The following CDH23 variants were observed in gnomAD, a reference collection of about 807,000 sequenced individuals.
The protein encoded by CDH23 is cadherin-23.
Under a neutral mutation model 317.1 loss-of-function variants are expected in CDH23, and 189 were observed. The observed-to-expected ratio is 0.60, with a 90% confidence interval of 0.53 to 0.67. CDH23 has a LOEUF of 0.67. CDH23 is among the 30% of genes least tolerant of loss of function. The pLI, the probability that CDH23 is intolerant of heterozygous loss-of-function variation, is 0.00. For missense variants in CDH23, 4,401 were observed against 4,592.4 expected (o/e 0.96, Z 1.20); for synonymous variants, 1,839 against 1,876.8 (o/e 0.98, Z 0.52).
At chr10:71,588,364 C>T (rs1342926151) in intron 9 of CDH23, among the ~76,000 whole-genome samples, 1 of 152,094 alleles carries the variant, frequency 6.6e-6, no homozygotes, top group Non-Finnish European at 1.5e-5. Context: ...GACCTTGAGC[C>T]GGTTACATCC....
At chr10:71,727,662 T>C (rs1393089370) in intron 30 of CDH23, among the ~76,000 whole-genome samples, 1 of 151,090 alleles carries the variant, frequency 6.6e-6, no homozygotes, top group East Asian at 1.9e-4. Flanking sequence ...TCACGACACA[T>C]ACACACACAC....
At chr10:71,495,388 C>T (rs181043427) in intron 3 of CDH23, among the ~76,000 whole-genome samples, 4 of 152,192 alleles carry the variant, frequency 2.6e-5, no homozygotes, top group Admixed American at 6.5e-5. Context: ...TTTATGATTG[C>T]GCCTTTCTTC....
At chr10:71,427,423 T>C (rs937805747) in intron 1 of CDH23, among the ~76,000 whole-genome samples, 1 of 152,308 alleles carries the variant, frequency 6.6e-6, no homozygotes, top group Non-Finnish European at 1.5e-5. Flanking sequence ...CCTTGGTGAC[T>C]GGCTGGTGGC....
intron 69 of CDH23, 136 bp from the exon 70 acceptor site, chr10:71,814,816 T>G: frequency 8.7e-5 from 89 of 1,023,210 alleles, no homozygotes; most frequent in Non-Finnish European, 1.1e-4. Context: ...GCAGGCAGTT[T>G]GAGAAACAGA....
chr10:71,556,536 G>T (rs1037532534), intron 6 of CDH23, among the ~76,000 whole-genome samples: 16 of 151,692 alleles, frequency 1.1e-4, no homozygotes, highest in Admixed American at 5.9e-4. Context: ...GGGAGGCGGA[G>T]GTTCATGCCA....
chr10:71,679,845 CT>C (rs1286170412), intron 17 of CDH23, among the ~76,000 whole-genome samples: 1 of 152,208 alleles, frequency 6.6e-6, no homozygotes, highest in Non-Finnish European at 1.5e-5. Flanking sequence ...AGACTCCCTA[CT>C]TTTTGGGCGG....
chr10:71,628,678 A>C (rs1045398538), intron 11 of CDH23, among the ~76,000 whole-genome samples: 4 of 152,138 alleles, frequency 2.6e-5, no homozygotes, highest in Non-Finnish European at 5.9e-5. Flanking sequence ...TTGTATGTTT[A>C]GTAGCGATGA....
chr10:71,810,823 G>A (rs1841893947), intron 62 of CDH23, among the ~76,000 whole-genome samples: 1 of 152,168 alleles, frequency 6.6e-6, no homozygotes, highest in South Asian at 2.1e-4. Context: ...GCTCACACCT[G>A]TAATCCCAGC....
chr10:71,788,055 GT>G (rs1456600204), intron 44 of CDH23, among the ~76,000 whole-genome samples: 1 of 152,144 alleles, frequency 6.6e-6, no homozygotes, highest in Admixed American at 6.6e-5. Context: ...AGTGTCTGTT[GT>G]TTTTTTCTTG....
At chr10:71,739,337 G>A (rs1172718666) in intron 35 of CDH23, among the ~76,000 whole-genome samples, 1 of 152,144 alleles carries the variant, frequency 6.6e-6, no homozygotes, top group Admixed American at 6.5e-5. Flanking sequence ...CACCCCAGCA[G>A]CGTGAGCACA....
At position 71,769,621 on chromosome 10, in the gene CDH23, G is replaced by A. The variant is rs965745007; in HGVS notation, c.4846-8059G>A. ...GGGTGGTCAGCCTCACTGAGACCAC[G>A]TCACCCAACCTGTCCATTGCACAGA... On this transcript the variant is annotated intron_variant, in intron 38 of 69. Coordinates refer to ENST00000224721, the MANE Select transcript of CDH23 (RefSeq NM_022124.6). Among the ~76,000 whole-genome samples the A allele has an allele frequency of 3.3e-5, 5 of 152,304 alleles. No homozygotes were observed. In the East Asian group the frequency reaches 9.6e-4, roughly 29 times the overall value.
chr10:71,580,363 A>C (rs1292489189), intron 9 of CDH23, among the ~76,000 whole-genome samples: 1 of 152,242 alleles, frequency 6.6e-6, no homozygotes, highest in Non-Finnish European at 1.5e-5. Flanking sequence ...ATTTGAAACC[A>C]CAGGGAAGGG....
At chr10:71,763,902 C>T (rs958301125) in intron 38 of CDH23, among the ~76,000 whole-genome samples, 5 of 152,274 alleles carry the variant, frequency 3.3e-5, no homozygotes, top group Admixed American at 6.5e-5. Context: ...GTGATCCGAT[C>T]CTGGGGCGCT....
chr10:71,713,637 C>G (rs1366026231), intron 28 of CDH23: 1 of 289,486 alleles, frequency 3.5e-6, no homozygotes, highest in African/African-American at 2.2e-5. Context: ...TGGTGGCTAG[C>G]TCCAGAAGGA....
At chr10:71,502,680 C>T (rs1303773331) in intron 3 of CDH23, among the ~76,000 whole-genome samples, 1 of 152,124 alleles carries the variant, frequency 6.6e-6, no homozygotes, top group East Asian at 1.9e-4. Flanking sequence ...GTTGAGGATG[C>T]ATTGGGAAGC....
intron 3 of CDH23, among the ~76,000 whole-genome samples, chr10:71,503,094 C>T (rs532691074): frequency 6.6e-6 from 1 of 152,370 alleles, no homozygotes; most frequent in Admixed American, 6.5e-5. Flanking sequence ...TGTGATTGTC[C>T]ACCCCTTGCC....
At chr10:71,457,622 C>T (rs182989527) in intron 3 of CDH23, among the ~76,000 whole-genome samples, 1 of 152,350 alleles carries the variant, frequency 6.6e-6, no homozygotes, top group East Asian at 1.9e-4. Flanking sequence ...GCCAGCCCAG[C>T]TCAATCTGGG....
intron 9 of CDH23, among the ~76,000 whole-genome samples, chr10:71,589,392 A>G (rs1019777630): frequency 6.6e-6 from 1 of 152,222 alleles, no homozygotes; most frequent in East Asian, 1.9e-4. Flanking sequence ...TGCTGGGATT[A>G]CAGGCGTGAG....
At chr10:71,429,246 A>G (rs902467832) in intron 1 of CDH23, among the ~76,000 whole-genome samples, 11 of 152,164 alleles carry the variant, frequency 7.2e-5, no homozygotes, top group African/African-American at 2.7e-4. Flanking sequence ...AGGTCAGCAA[A>G]TCTAGGCTGG....
Sources: gnomAD v4.1 joint callset for allele counts (sites outside exome capture counted in the v4.1 genomes callset) on GRCh38, gnomAD v4.1.1 for gene constraint, MANE v1.5 for transcripts, NCBI Gene and HGNC (gene_info 2026-07-23, HGNC 2026-07-21) for gene names.